The following ZNF497 variants were observed in gnomAD, a reference collection of about 807,000 sequenced individuals.
The protein encoded by ZNF497 is zinc finger-like protein.
For missense variants in ZNF497, 930 were observed against 714.0 expected (o/e 1.30, Z -3.45); for synonymous variants, 422 against 313.7 (o/e 1.35, Z -3.65).
rs576524456 is a variant in ZNF497, at chr19:58,357,454, A to G, written c.182T>C (p.Leu61Pro). 313 of 1,598,196 alleles carry G rather than the reference A, an allele frequency of 2.0e-4. No homozygotes were observed. Among genetic ancestry groups the G allele is most frequent in the Non-Finnish European group, 2.5e-4 (290 of 1,172,630 alleles). The part of the protein sequence containing the change: ...AGDGQRQQAT[L>P]GAADEQGGPG... ...GCCTCCCTGTTCGTCCGCCGCCCCC[A>G]GTGTGGCTTGCTGCCGCTGGCCGTC... Residue 61 changes from leucine (L) to proline (P), a missense_variant, in exon 3 of 3, where the codon CTG (leucine) becomes CCG (proline). Transcript: ENST00000311044.
At chr19:58,358,041 G>T in intron 2 of ZNF497, 1 of 1,212,552 alleles carries the variant, frequency 8.2e-7, no homozygotes, top group Non-Finnish European at 1.0e-6. Context: ...TCCAGTTTGT[G>T]AGGAACACGA....
Position 58,356,870 on chromosome 19 carries a change from T to C in ZNF497, c.766A>G (p.Ser256Gly). ...TGCTCGGCCAGGTTGGAGCTCTGGCTGAAGGCCTTGCCACAGTCCCGGCAG... is the reference window on the plus strand; with the variant it reads ...TGCTCGGCCAGGTTGGAGCTCTGGCCGAAGGCCTTGCCACAGTCCCGGCAG... ...HACRDCGKAF[S>G]QSSNLAEHLK... Residue 256 changes from serine to glycine, a missense_variant, in exon 3 of 3, where the codon AGC (serine) becomes GGC (glycine). Transcript: ENST00000311044. 1 of 1,588,180 alleles carries C rather than the reference T, an allele frequency of 6.3e-7. No individual in the cohort carries two copies. The highest frequency in any genetic ancestry group is 1.1e-5 in the South Asian group (1 of 89,648).
At chr19:58,359,360 G>A (rs1308493020) in intron 1 of ZNF497, 27 of 905,256 alleles carry the variant, frequency 3.0e-5, no homozygotes, top group Non-Finnish European at 4.2e-5. Flanking sequence ...GCACAGCAAG[G>A]CCACGAAGGT....
chr19:58,359,899 G>A (rs2052072409), intron 1 of ZNF497, among the ~76,000 whole-genome samples: 1 of 151,980 alleles, frequency 6.6e-6, no homozygotes, highest in Non-Finnish European at 1.5e-5. Flanking sequence ...TTGAACCCGG[G>A]AGGTGGAGGT....
rs1260693899 is a variant in ZNF497, at chr19:58,356,111, G to A, written c.*28C>T. ...CGAGACCCCGCAATGCCGTGTGTCC[G>A]CGACCTCCCGCTCAGGGCGTCCTCG... On this transcript the variant is annotated 3_prime_UTR_variant, in exon 3 of 3. Transcript: ENST00000311044. 1.3e-6 allele frequency: 2 copies of A among 1,508,806 alleles called. No homozygotes were observed. Among genetic ancestry groups the A allele is most frequent in the Admixed American group, 2.2e-5 (1 of 46,088 alleles). The allele number at this position is 1,508,806 out of a possible 1,614,324, so 93.5% of individuals were successfully genotyped here. A position where few individuals can be genotyped will look rare whatever the true frequency, so the allele number is the denominator to read the frequency against.
rs776241085 is a variant in ZNF497, at chr19:58,357,199, C to A, written c.437G>T (p.Ser146Ile). The A allele has an allele frequency of 1.9e-6, 3 of 1,610,898 alleles. No individual in the cohort carries two copies. Among genetic ancestry groups the A allele is most frequent in the Non-Finnish European group, 2.5e-6 (3 of 1,179,150 alleles). ...CPECGKAFAW[S>I]SNLSQHQRIH... Reference sequence around the variant, plus strand: ...GCGCTGGTGCTGGCTGAGGTTGGAGCTCCAGGCGAAGGCCTTGCCGCACTC... The same window carrying A: ...GCGCTGGTGCTGGCTGAGGTTGGAGATCCAGGCGAAGGCCTTGCCGCACTC... The change falls in exon 3 of 3, where the codon AGC (serine) becomes ATC (isoleucine). Residue 146 changes from serine to isoleucine, a missense_variant. Ser to Ile is a moderately radical substitution (Grantham distance 142, BLOSUM62 -2). Transcript: ENST00000311044.
In ZNF497 at chr19:58,356,300, G is replaced by A; in HGVS notation, c.1336C>T (p.His446Tyr). 1 of 1,570,536 alleles carries A rather than the reference G, an allele frequency of 6.4e-7. No homozygotes were observed. Among genetic ancestry groups the A allele is most frequent in the Non-Finnish European group, 8.6e-7 (1 of 1,160,070 alleles). Reference sequence around the variant, plus strand: ...TTGCGCACGAAGGCCTTGCTGCAGTGGGCGCAGACGAACGGCCTCTCGCCA... The same window carrying A: ...TTGCGCACGAAGGCCTTGCTGCAGTAGGCGCAGACGAACGGCCTCTCGCCA... The part of the protein sequence containing the change: ...HSGERPFVCA[H>Y]CSKAFVRKSE... Residue 446 changes from histidine (H) to tyrosine (Y), a missense_variant, in exon 3 of 3, where the codon CAC (histidine) becomes TAC (tyrosine). His to Tyr is a moderately conservative substitution (Grantham distance 83). Transcript: ENST00000311044.
intron 1 of ZNF497, among the ~76,000 whole-genome samples, chr19:58,360,344 CTG>C (rs59663276): frequency 1.8e-3 from 273 of 152,054 alleles, no homozygotes; most frequent in African/African-American, 5.2e-3. Context: ...AGCTTAAAAA[CTG>C]TATGACTCCA....
At chr19:58,359,076 G>C (rs2052062006) in intron 1 of ZNF497, 1 of 730,510 alleles carries the variant, frequency 1.4e-6, no homozygotes, top group Non-Finnish European at 2.1e-6. Context: ...CAGGCCTCAG[G>C]CATCAGCCAC....
In ZNF497 at chr19:58,356,843, G is replaced by A; in HGVS notation, c.793C>T (p.Leu265=). Residue 265 remains leucine, a synonymous_variant, in exon 3 of 3, where the codon CTG becomes TTG. Transcript: ENST00000311044. ...GGCCGTGCGCCCGCGTGGATCTTCA[G>A]GTGCTCGGCCAGGTTGGAGCTCTGG... ...FSQSSNLAEH[L]KIHAGARPHA... The A allele has an allele frequency of 1.9e-6, 3 of 1,579,850 alleles. No homozygotes were observed. Among genetic ancestry groups the A allele is most frequent in the Non-Finnish European group, 2.6e-6 (3 of 1,168,084 alleles).
chr19:58,356,322 G>A lies in ZNF497; in HGVS notation c.1314C>T (p.Gly438=), dbSNP rs1469062528. The part of the protein sequence containing the change: ...ELRQHQRLHS[G]ERPFVCAHCS... ...AGTGGGCGCAGACGAACGGCCTCTC[G>A]CCAGAGTGCAGGCGCTGGTGCTGGC... is the stretch of plus-strand genomic sequence containing the variant. Residue 438 remains glycine (G), a synonymous_variant, in exon 3 of 3, where the codon GGC becomes GGT. Coordinates refer to ENST00000311044, the MANE Select transcript of ZNF497 (RefSeq NM_198458.3). 4 of 1,576,570 alleles carry A rather than the reference G, an allele frequency of 2.5e-6. No individual in the cohort carries two copies. Among genetic ancestry groups the A allele is most frequent in the East Asian group, 4.6e-5 (2 of 43,204 alleles).
rs2052031898 is a variant in ZNF497, at chr19:58,356,965, C to A, written c.671G>T (p.Gly224Val). The change falls in exon 3 of 3, where the codon GGC becomes GTC. Residue 224 changes from glycine to valine, a missense_variant. Physicochemically the swap from Gly to Val is moderately radical, Grantham distance 109. Coordinates refer to ENST00000311044, the MANE Select transcript of ZNF497 (RefSeq NM_198458.3). ...GEKPYECPEC[G>V]KAFSWNSNFL... ...ATTGGAGTTCCAGCTGAAGGCCTTG[C>A]CGCACTCCGGGCACTCGTAGGGCTT... is the stretch of plus-strand genomic sequence containing the variant. The A allele has an allele frequency of 1.2e-6, 2 of 1,606,652 alleles. No individual in the cohort carries two copies. Among genetic ancestry groups the A allele is most frequent in the East Asian group, 2.2e-5 (1 of 44,672 alleles).
intron 1 of ZNF497, among the ~76,000 whole-genome samples, chr19:58,360,552 G>A (rs919477725): frequency 2.0e-5 from 3 of 151,062 alleles, no homozygotes; most frequent in African/African-American, 4.9e-5. Context: ...TTTTTGAGAC[G>A]GAGTTTCGCT....
At chr19:58,360,133 A>G (rs2052075230) in intron 1 of ZNF497, among the ~76,000 whole-genome samples, 1 of 152,250 alleles carries the variant, frequency 6.6e-6, no homozygotes, top group South Asian at 2.1e-4. Context: ...TGTAAGAGAC[A>G]GAAAGTAGAT....
chr19:58,356,937 G>A lies in ZNF497; in HGVS notation c.699C>T (p.Phe233=), dbSNP rs372268648. 3.1e-6 allele frequency: 5 copies of A among 1,594,084 alleles called. No individual in the cohort carries two copies. Among genetic ancestry groups the A allele is most frequent in the East Asian group, 2.3e-5 (1 of 43,894 alleles). ...CGKAFSWNSN[F]LEHRRVHTGA... is the part of the protein sequence containing the mutation. Reference sequence around the variant, plus strand: ...CCGTGTGCACGCGCCGGTGCTCCAGGAAATTGGAGTTCCAGCTGAAGGCCT... The same window carrying A: ...CCGTGTGCACGCGCCGGTGCTCCAGAAAATTGGAGTTCCAGCTGAAGGCCT... Residue 233 remains phenylalanine (F), a synonymous_variant, in exon 3 of 3, where the codon TTC becomes TTT. Transcript: ENST00000311044.
rs2052014356 is a variant in ZNF497, at chr19:58,356,146, G to A, written c.1490C>T (p.Ala497Val). The change falls in exon 3 of 3, where the codon GCG becomes GTG. Residue 497 changes from alanine to valine, a missense_variant. Physicochemically the swap from Ala to Val is moderately conservative, Grantham distance 64. Coordinates refer to ENST00000311044, the MANE Select transcript of ZNF497 (RefSeq NM_198458.3). ...GCTCAGGGCGTCCTCGGGTCAGGGC[G>A]CAGCGCGGCCCCCGTGCCGCTTCTG... ...EHQKRHGGRA[A>V]P is the part of the protein sequence containing the mutation. 6.4e-7 allele frequency: 1 copy of A among 1,556,132 alleles called. No homozygotes were observed. The highest frequency in any genetic ancestry group is 8.7e-7 in the Non-Finnish European group (1 of 1,151,342).
rs1260844318 is a variant in ZNF497 at position 58,360,997 on chromosome 19, TG to T, written c.-112+1679del. ...CGGGGTTTCACCGTGTTAGCCAGGA[TG>T]GTCTCGATCTCCTGACCTCGTGATC... On this transcript the variant is annotated intron_variant, in intron 1 of 2. Transcript: ENST00000311044. 6.6e-5 allele frequency among the ~76,000 whole-genome samples: 10 copies of T among 152,034 alleles called. No individual in the cohort carries two copies. The South Asian group carries it at 2.1e-3, about 32-fold the overall frequency.
chr19:58,359,245 C>T, intron 1 of ZNF497: 1 of 1,290,524 alleles, frequency 7.7e-7, no homozygotes. Flanking sequence ...GGGCTGATGC[C>T]TCACTCATCT....
At chr19:58,357,906 G>A (rs965514341) in intron 2 of ZNF497, 3 of 1,370,394 alleles carry the variant, frequency 2.2e-6, no homozygotes, top group East Asian at 2.8e-5. Flanking sequence ...CAGCAGGAGG[G>A]GAGGGGGCGC....
Sources: allele counts gnomAD v4.1 joint callset (sites outside exome capture counted in the v4.1 genomes callset), GRCh38; gene constraint gnomAD v4.1.1; transcripts MANE v1.5; gene names NCBI Gene and HGNC (gene_info 2026-07-23, HGNC 2026-07-21).